TRAK1: variants seen among roughly 807,000 people sequenced by gnomAD.
TRAK1 encodes the protein trafficking kinesin-binding protein 1.
A neutral mutation model predicts 92.1 loss-of-function variants in TRAK1; 33 were observed. The observed-to-expected ratio is 0.36, with a 90% CI of 0.27 to 0.48. The LOEUF (loss-of-function observed/expected upper bound fraction) is 0.48, where lower values mean the gene tolerates loss of function less well. TRAK1 is among the 20% of genes least tolerant of loss of function. The probability of loss-of-function intolerance (pLI) is 0.99; values close to 1 mark genes in which losing one functional copy is unlikely to be tolerated. For synonymous variants in TRAK1, 521 were observed against 517.3 expected, an observed-to-expected ratio of 1.01 and a Z score of -0.10; for missense variants, 1,123 against 1,257.9, an observed-to-expected ratio of 0.89 and a Z score of 1.62.
At chr3:42,054,866 A>AT (rs971562609) in intron 1 of TRAK1, among the ~76,000 whole-genome samples, 4 of 124,474 alleles carry the variant, frequency 3.2e-5, no homozygotes, top group Non-Finnish European at 5.1e-5. Context: ...GTAGACTTAA[A>AT]TTTTTTTTTA....
In TRAK1 at chr3:42,161,402, G is replaced by T. The variant is rs181154216; in HGVS notation, c.287-15412G>T. On this transcript the variant is annotated intron_variant, in intron 2 of 15. Coordinates refer to ENST00000327628, the MANE Select transcript of TRAK1 (RefSeq NM_001042646.3). ...TTCTTTTTTCTTTTTTTTGGGACGG[G>T]GTCTCACTCTGTTGCCCAGGCTGCG... Among the ~76,000 whole-genome samples the T allele has an allele frequency of 3.6e-3, 541 of 151,990 alleles. 5 individuals are homozygous for T. The highest frequency in any genetic ancestry group is 0.012 in the African/African-American group (514 of 41,454).
intron 2 of TRAK1, among the ~76,000 whole-genome samples, chr3:42,159,697 G>A (rs1419655896): frequency 6.6e-6 from 1 of 152,198 alleles, no homozygotes; most frequent in East Asian, 1.9e-4. Context: ...GATGAATTAA[G>A]TTTAACGAGG....
chr3:42,198,909 G>A (rs1707142078), intron 10 of TRAK1, among the ~76,000 whole-genome samples: 1 of 152,108 alleles, frequency 6.6e-6, no homozygotes, highest in South Asian at 2.1e-4. Context: ...ACGGAGCATA[G>A]GGTTTGCTTT....
intron 2 of TRAK1, among the ~76,000 whole-genome samples, chr3:42,158,087 T>G (rs1700772754): frequency 6.6e-6 from 1 of 152,226 alleles, no homozygotes; most frequent in Non-Finnish European, 1.5e-5. Flanking sequence ...GGAAAAGTAA[T>G]GAAGTCATGT....
chr3:42,079,004 C>T (rs1199525044), intron 1 of TRAK1, among the ~76,000 whole-genome samples: 1 of 152,148 alleles, frequency 6.6e-6, no homozygotes, highest in Non-Finnish European at 1.5e-5. Flanking sequence ...CCACAAGGAA[C>T]TGAATTAGAC....
upstream of TRAK1, chr3:42,013,658 A>G (rs1408044564): frequency 1.4e-5 from 2 of 143,498 alleles, no homozygotes; most frequent in Non-Finnish European, 3.1e-5. The surrounding 1 kb of genome is among the most constrained non-coding windows in gnomAD (Gnocchi z 5.1). Context: ...CGGGGGAGCC[A>G]TGGCGAGAGG....
intron 2 of TRAK1, among the ~76,000 whole-genome samples, chr3:42,148,679 C>G (rs940443833): frequency 2.0e-5 from 3 of 152,168 alleles, no homozygotes; most frequent in Non-Finnish European, 4.4e-5. Flanking sequence ...GCGCCCTCCT[C>G]TATTTGTATG....
At chr3:42,084,085 A>T (rs1704556831), upstream of TRAK1, among the ~76,000 whole-genome samples, 1 of 151,850 alleles carries the variant, frequency 6.6e-6, no homozygotes, top group Admixed American at 6.6e-5. Flanking sequence ...GAACCTTTTG[A>T]TTTAAAGGTG....
At chr3:42,158,675 G>A (rs1287745872) in intron 2 of TRAK1, among the ~76,000 whole-genome samples, 11 of 150,660 alleles carry the variant, frequency 7.3e-5, no homozygotes, top group Non-Finnish European at 2.9e-5. Context: ...TGGGCGTGGT[G>A]GTTCACGCCT....
At chr3:42,211,897 G>A (rs1036511691) in intron 14 of TRAK1, 1 of 985,314 alleles carries the variant, frequency 1.0e-6, no homozygotes, top group African/African-American at 1.7e-5. Flanking sequence ...GAAAGGGTCA[G>A]GTTGGAGGTG....
chr3:42,092,435 A>C (rs771834518), intron 1 of TRAK1, among the ~76,000 whole-genome samples: 3 of 152,278 alleles, frequency 2.0e-5, no homozygotes. Context: ...TACTGAGGCA[A>C]TCGTACTTAT....
At chr3:42,193,026 A>G (rs1365720337) in intron 7 of TRAK1, 49 bp from the exon 8 acceptor site, 1 of 1,607,398 alleles carries the variant, frequency 6.2e-7, no homozygotes, top group African/African-American at 1.3e-5. Flanking sequence ...CTGGGTCTGC[A>G]TGTGTGGTTT....
At chr3:42,213,397 A>G (rs1709311173) in intron 14 of TRAK1, among the ~76,000 whole-genome samples, 1 of 152,222 alleles carries the variant, frequency 6.6e-6, no homozygotes, top group Admixed American at 6.5e-5. Flanking sequence ...GACAAAAAAC[A>G]CACTTGGCTA....
At chr3:42,212,961 G>A (rs1465931891) in intron 14 of TRAK1, among the ~76,000 whole-genome samples, 2 of 152,112 alleles carry the variant, frequency 1.3e-5, no homozygotes. Context: ...ATATTGAGGG[G>A]AGATATCCTC....
At chr3:42,196,977 TTC>T (rs1324789083) in intron 10 of TRAK1, among the ~76,000 whole-genome samples, 2 of 62,404 alleles carry the variant, frequency 3.2e-5, no homozygotes, top group African/African-American at 5.5e-5. Flanking sequence ...CTCTCTCTCT[TTC>T]TCTTTCTCTC....
In TRAK1 at chr3:42,110,094, GTATATATATATATATATA is replaced by G. The variant is rs375315730; in HGVS notation, c.92-15305_92-15288del. Reference sequence around the variant, plus strand: ...GTGCACATGTACCCTAGAACTTAAAGTATATATATATATATATATATATATATATATATATATAAACTT... The same window carrying G: ...GTGCACATGTACCCTAGAACTTAAAGTATATATATATATATATATAAACTT... On this transcript the variant is annotated intron_variant, in intron 1 of 15. Transcript: ENST00000327628. Among the ~76,000 whole-genome samples, 65 of 83,232 alleles carry G rather than the reference GTATATATATATATATATA, an allele frequency of 7.8e-4. 3 individuals carry two copies. Among genetic ancestry groups the G allele is most frequent in the Admixed American group, 2.4e-3 (20 of 8,298 alleles). 54.6% of individuals were successfully genotyped at this position (83,232 alleles called of 152,430 possible). A position where few individuals can be genotyped will look rare whatever the true frequency, so the allele number is the denominator to read the frequency against.
chr3:42,202,799 C>T lies in TRAK1; in HGVS notation c.1744+47C>T, dbSNP rs369613464. ...CCCTCTCTGTCCTCCTGGGGGACTC[C>T]CTTTGGTCCCTGATCCACCTGCGGA... On this transcript the variant is annotated intron_variant, in intron 13 of 15. Transcript: ENST00000327628. This position sits in a 1 kb window ranked among gnomAD's most constrained non-coding sequence, Gnocchi z 6.1. The T allele has an allele frequency of 2.0e-5, 32 of 1,601,392 alleles. No homozygotes were observed. The African/African-American group carries it at 3.5e-4, about 17-fold the overall frequency.
chr3:42,041,951 C>A (rs1246291595), intron 1 of TRAK1, among the ~76,000 whole-genome samples: 1 of 152,048 alleles, frequency 6.6e-6, no homozygotes, highest in Admixed American at 6.5e-5. Context: ...TGTCACCACA[C>A]CCAGCTACTT....
At chr3:42,176,474 T>C (rs1384148579) in intron 2 of TRAK1, among the ~76,000 whole-genome samples, 1 of 152,230 alleles carries the variant, frequency 6.6e-6, no homozygotes, top group Non-Finnish European at 1.5e-5. Flanking sequence ...GCTGTGCTAC[T>C]GGCCCCCACC....
Sources: gnomAD v4.1 joint callset for allele counts (sites outside exome capture counted in the v4.1 genomes callset) on GRCh38, gnomAD v4.1.1 for gene constraint, Gnocchi (gnomAD v3.1) non-coding constraint, MANE v1.5 for transcripts, NCBI Gene and HGNC (gene_info 2026-07-23, HGNC 2026-07-21) for gene names.